The following NWD2 variants were observed in gnomAD, a reference collection of about 807,000 sequenced individuals.
The protein encoded by NWD2 is NACHT and WD repeat domain containing 2, also known as NACHT and WD repeat domain-containing protein 2.
In NWD2, 37 loss-of-function variants were observed where a neutral mutation model predicts 132.7. The ratio of observed to expected loss-of-function variants is 0.28; its 90% CI spans 0.21 to 0.37. The LOEUF (loss-of-function observed/expected upper bound fraction) is 0.37, where lower values mean the gene tolerates loss of function less well. Among genes scored for constraint, NWD2 ranks in the 10% least tolerant of loss-of-function variants. The pLI, the probability that NWD2 is intolerant of heterozygous loss-of-function variation, is 1.00. For missense variants in NWD2, 1,592 were observed against 2,122.4 expected, an observed-to-expected ratio of 0.75 and a Z score of 4.91; for synonymous variants, 705 against 803.0, an observed-to-expected ratio of 0.88 and a Z score of 2.06.
Position 37,438,929 on chromosome 4 carries a change from A to G in NWD2, c.835A>G (p.Met279Val), listed in dbSNP as rs1245024984. ...FVKIPEMGKY[M>V]DITGTEPRII... ...GAAAATCCCAGAGATGGGAAAATACATGGATATAACTGGAACAGAACCGAG... is the reference window on the plus strand; with the variant it reads ...GAAAATCCCAGAGATGGGAAAATACGTGGATATAACTGGAACAGAACCGAG... The change falls in exon 6 of 7, where the codon ATG becomes GTG. Residue 279 changes from methionine to valine, a missense_variant. Around this residue, in one of 7 missense-constraint regions of NWD2, gnomAD observed 1,071 missense variants for 1,398.0 expected, o/e 0.77. Transcript: ENST00000309447. 2 of 1,552,112 alleles carry G rather than the reference A, an allele frequency of 1.3e-6. No homozygotes were observed. Among genetic ancestry groups the G allele is most frequent in the Non-Finnish European group, 8.7e-7 (1 of 1,147,076 alleles).
At chr4:37,360,441 ATG>A (rs1719958567) in intron 3 of NWD2, among the ~76,000 whole-genome samples, 1 of 152,208 alleles carries the variant, frequency 6.6e-6, no homozygotes, top group Non-Finnish European at 1.5e-5. Flanking sequence ...TATTAATAAA[ATG>A]TAATATTTGT....
At chr4:37,410,743 A>G (rs894967150) in intron 3 of NWD2, among the ~76,000 whole-genome samples, 1 of 152,202 alleles carries the variant, frequency 6.6e-6, no homozygotes, top group Non-Finnish European at 1.5e-5. Context: ...AAATAATTGG[A>G]AGTAAAACAC....
intron 3 of NWD2, among the ~76,000 whole-genome samples, chr4:37,359,294 G>T (rs976570861): frequency 2.6e-5 from 4 of 151,902 alleles, no homozygotes; most frequent in African/African-American, 9.7e-5. Context: ...TTAAACTCAG[G>T]GAAACCACGA....
At chr4:37,326,260 C>A (rs982810181) in intron 2 of NWD2, among the ~76,000 whole-genome samples, 4 of 151,972 alleles carry the variant, frequency 2.6e-5, no homozygotes, top group Non-Finnish European at 5.9e-5. Flanking sequence ...TCATCTTTTT[C>A]TTTGAACCAT....
chr4:37,439,445 T>C lies in NWD2; in HGVS notation c.1296+55T>C. ...TGTAAAAACTTGTACTTTTGGAAAA[T>C]GGTAAATTAATCAAATTCATTTCTA... On this transcript the variant is annotated intron_variant, in intron 6 of 6. Coordinates refer to ENST00000309447, the MANE Select transcript of NWD2 (RefSeq NM_001144990.2). This position sits in a 1 kb window ranked among gnomAD's most constrained non-coding sequence, Gnocchi z 4.5. The C allele has an allele frequency of 1.7e-6, 2 of 1,180,958 alleles. No individual in the cohort carries two copies. Among genetic ancestry groups the C allele is most frequent in the East Asian group, 2.6e-5 (1 of 38,534 alleles). 73.2% of individuals were successfully genotyped at this position (1,180,958 alleles called of 1,614,324 possible).
chr4:37,415,622 T>A (rs754029616), intron 3 of NWD2, among the ~76,000 whole-genome samples: 2 of 147,520 alleles, frequency 1.4e-5, no homozygotes, highest in Non-Finnish European at 3.0e-5. Flanking sequence ...GAAAATGGCG[T>A]GAACCTGCGA....
intron 1 of NWD2, among the ~76,000 whole-genome samples, chr4:37,261,937 C>T (rs1487665921): frequency 6.6e-6 from 1 of 152,212 alleles, no homozygotes; most frequent in Non-Finnish European, 1.5e-5. Flanking sequence ...CCCAAAGAAA[C>T]ATCAAGTGCA....
intron 1 of NWD2, among the ~76,000 whole-genome samples, chr4:37,276,377 G>A (rs1394212597): frequency 6.6e-6 from 1 of 152,118 alleles, no homozygotes; most frequent in Admixed American, 6.6e-5. Context: ...AAATGCAAAT[G>A]AAAACCACAA....
chr4:37,263,208 A>G (rs1717680412), intron 1 of NWD2, among the ~76,000 whole-genome samples: 1 of 152,138 alleles, frequency 6.6e-6, no homozygotes, highest in Admixed American at 6.6e-5. Flanking sequence ...GCAGCAGGAA[A>G]ATGTAATGGC....
intron 3 of NWD2, among the ~76,000 whole-genome samples, chr4:37,364,459 T>C (rs1245940922): frequency 6.6e-6 from 1 of 152,130 alleles, no homozygotes; most frequent in African/African-American, 2.4e-5. Flanking sequence ...GGTGTTCCCA[T>C]ACAGCAGGCA....
chr4:37,440,249 CA>C (rs1712445673), intron 6 of NWD2, among the ~76,000 whole-genome samples: 1 of 152,078 alleles, frequency 6.6e-6, no homozygotes, highest in Non-Finnish European at 1.5e-5. Flanking sequence ...ATCCTGTCTA[CA>C]TCCCAGCACA....
At chr4:37,380,319 T>C (rs1040882813) in intron 3 of NWD2, among the ~76,000 whole-genome samples, 1 of 152,216 alleles carries the variant, frequency 6.6e-6, no homozygotes, top group African/African-American at 2.4e-5. Flanking sequence ...CAGTAGACAG[T>C]CAATAAATGG....
chr4:37,330,056 A>G (rs1214847216), intron 2 of NWD2, among the ~76,000 whole-genome samples: 1 of 152,200 alleles, frequency 6.6e-6, no homozygotes, highest in Non-Finnish European at 1.5e-5. Context: ...AATAGAAATT[A>G]ATAGAATATC....
At chr4:37,373,925 G>A (rs757866902) in intron 3 of NWD2, among the ~76,000 whole-genome samples, 3 of 152,178 alleles carry the variant, frequency 2.0e-5, no homozygotes, top group Non-Finnish European at 2.9e-5. Context: ...AAAACATGTT[G>A]GTATCTCAGT....
At chr4:37,307,742 G>C (rs1363909372) in intron 1 of NWD2, among the ~76,000 whole-genome samples, 1 of 151,884 alleles carries the variant, frequency 6.6e-6, no homozygotes, top group African/African-American at 2.4e-5. Flanking sequence ...TCCTCTTCTG[G>C]AAATTCCATA....
At chr4:37,401,914 C>T (rs1020557286) in intron 3 of NWD2, among the ~76,000 whole-genome samples, 1 of 152,184 alleles carries the variant, frequency 6.6e-6, no homozygotes, top group Non-Finnish European at 1.5e-5. Flanking sequence ...CTTCCGTGTA[C>T]CTGCTATGGT....
At chr4:37,336,109 T>C (rs1022943472) in intron 2 of NWD2, among the ~76,000 whole-genome samples, 2 of 152,140 alleles carry the variant, frequency 1.3e-5, no homozygotes, top group Non-Finnish European at 2.9e-5. Flanking sequence ...TCAAGTCTTT[T>C]TAGCTTTAAG....
At chr4:37,250,510 A>G (rs1285869107) in intron 1 of NWD2, among the ~76,000 whole-genome samples, 1 of 152,234 alleles carries the variant, frequency 6.6e-6, no homozygotes, top group Non-Finnish European at 1.5e-5. Context: ...CCTGTCTCAC[A>G]GAGTTATTGA....
Position 37,445,472 on chromosome 4 carries a change from A to G in NWD2, c.3484A>G (p.Ser1162Gly), listed in dbSNP as rs1291161555. 4 of 1,551,840 alleles carry G rather than the reference A, an allele frequency of 2.6e-6. No individual in the cohort carries two copies. In the African/African-American group the frequency reaches 4.1e-5, roughly 16 times the overall value. The change falls in exon 7 of 7, where the codon AGT becomes GGT. Residue 1162 changes from serine to glycine, a missense_variant. By Grantham distance (56) the Ser-to-Gly change is moderately conservative. Coordinates refer to ENST00000309447, the MANE Select transcript of NWD2 (RefSeq NM_001144990.2). This position sits in a 1 kb window ranked among gnomAD's most constrained non-coding sequence, Gnocchi z 4.7. Reference protein sequence around the residue: ...DTAQEMVMVDSEGSLSVWNTE... With the variant: ...DTAQEMVMVDGEGSLSVWNTE... ...AGCTCAGGAAATGGTCATGGTAGAC[A>G]GTGAAGGAAGTCTTTCTGTTTGGAA... is the stretch of plus-strand genomic sequence containing the variant.
Sources: gnomAD v4.1 joint callset for allele counts (sites outside exome capture counted in the v4.1 genomes callset) on GRCh38, gnomAD v4.1.1 for gene constraint, gnomAD v4.1.1 regional missense constraint, Gnocchi (gnomAD v3.1) non-coding constraint, MANE v1.5 for transcripts, NCBI Gene and HGNC (gene_info 2026-07-23, HGNC 2026-07-21) for gene names.